Variants in IPO13 observed in about 807,000 individuals in gnomAD.
The protein encoded by IPO13 is importin-13.
Under a neutral mutation model 115.5 loss-of-function variants are expected in IPO13, and 28 were observed. The observed-to-expected ratio is 0.24, with a 90% CI of 0.18 to 0.33. IPO13 has a LOEUF of 0.33. Among genes scored for constraint, IPO13 ranks in the 10% least tolerant of loss-of-function variants. IPO13 has a pLI of 1.00. For missense variants in IPO13, 785 were observed against 1,204.6 expected, an observed-to-expected ratio of 0.65 and a Z score of 5.16; for synonymous variants, 414 against 478.9, an observed-to-expected ratio of 0.86 and a Z score of 1.77.
At position 43,949,830 on chromosome 1, in the gene IPO13, G is replaced by T; in HGVS notation, c.498G>T (p.Leu166=). 6.2e-7 allele frequency: 1 copy of T among 1,613,780 alleles called. No individual in the cohort carries two copies. The highest frequency in any genetic ancestry group is 8.5e-7 in the Non-Finnish European group (1 of 1,179,966). Residue 166 remains leucine, a synonymous_variant, in exon 2 of 20, where the codon CTG becomes CTT. Coordinates refer to ENST00000372343, the MANE Select transcript of IPO13 (RefSeq NM_014652.4). ...ATGGGCAGGGCCGCTGCCTAGCCCT[G>T]TTAGAGCTGCTGACAGTGCTGCCTG... is the stretch of plus-strand genomic sequence containing the variant. ...PVDGQGRCLA[L]LELLTVLPEE...
intron 1 of IPO13, among the ~76,000 whole-genome samples, chr1:43,948,074 G>A: frequency 6.6e-6 from 1 of 152,246 alleles, no homozygotes; most frequent in East Asian, 1.9e-4. Flanking sequence ...ACCTGGTTTT[G>A]TTGAGCCAAG....
intron 14 of IPO13, among the ~76,000 whole-genome samples, chr1:43,962,585 CA>C (rs1401044585): frequency 6.6e-6 from 1 of 152,198 alleles, no homozygotes; most frequent in African/African-American, 2.4e-5. Flanking sequence ...ACATTTCAGC[CA>C]CACTGCCTCT....
chr1:43,949,863 C>A lies in IPO13; in HGVS notation c.531C>A (p.Phe177Leu). 2 of 1,612,858 alleles carry A rather than the reference C, an allele frequency of 1.2e-6. No homozygotes were observed. The change falls in exon 2 of 20, where the codon TTC (phenylalanine) becomes TTA (leucine). Residue 177 changes from phenylalanine to leucine, a missense_variant. Physicochemically the swap from Phe to Leu is conservative, Grantham distance 22 (BLOSUM62 0). This residue lies in a region of IPO13 where 325 missense variants were observed against 449.8 expected (regional missense o/e 0.72). Coordinates refer to ENST00000372343, the MANE Select transcript of IPO13 (RefSeq NM_014652.4). ...TGCTGACAGTGCTGCCTGAGGAGTTCCAGACCAGTCGCCTACCCCAGTACC... is the reference window on the plus strand; with the variant it reads ...TGCTGACAGTGCTGCCTGAGGAGTTACAGACCAGTCGCCTACCCCAGTACC... ...LELLTVLPEE[F>L]QTSRLPQYRK...
rs5773817 is a variant in IPO13, at chr1:43,956,005, C to CAAAAA, written c.822-297_822-293dup. On this transcript the variant is annotated intron_variant, in intron 2 of 19. Transcript: ENST00000372343. The surrounding 1 kb of genome is among the most constrained non-coding windows in gnomAD (Gnocchi z 4.7). ...TGGGTAACACAGCAAAACCCCATCT[C>CAAAAA]AAAAAAAAAAAAAAAAAAAAAATCT... is the stretch of plus-strand genomic sequence containing the variant. Among the ~76,000 whole-genome samples the CAAAAA allele has an allele frequency of 8.8e-6, 1 of 113,906 alleles. No homozygotes were observed. The highest frequency in any genetic ancestry group is 1.7e-5 in the Non-Finnish European group (1 of 57,910). The allele number at this position is 113,906 out of a possible 152,430, so 74.7% of individuals were successfully genotyped here.
In IPO13 at chr1:43,952,879, T is replaced by C. The variant is rs530283066; in HGVS notation, c.821+2726T>C. Among the ~76,000 whole-genome samples the C allele has an allele frequency of 6.6e-6, 1 of 152,326 alleles. No homozygotes were observed. ...GTGTTGGGAGTTATTATGATACTTA[T>C]CCCCTGGCTTCCCAGGCTTTCCAGC... On this transcript the variant is annotated intron_variant, in intron 2 of 19. Transcript: ENST00000372343. The surrounding 1 kb of genome is among the most constrained non-coding windows in gnomAD (Gnocchi z 4.7).
chr1:43,948,342 C>A (rs999488316), intron 1 of IPO13, among the ~76,000 whole-genome samples: 1 of 152,360 alleles, frequency 6.6e-6, no homozygotes, highest in East Asian at 1.9e-4. Flanking sequence ...TTCTGAACTG[C>A]CTCTTTGGTT....
intron 2 of IPO13, among the ~76,000 whole-genome samples, chr1:43,955,941 G>A (rs1182951710): frequency 1.3e-5 from 2 of 148,576 alleles, no homozygotes; most frequent in Non-Finnish European, 3.0e-5. Context: ...GGCTGAGCAG[G>A]AGGCTGAGTC....
intron 2 of IPO13, among the ~76,000 whole-genome samples, chr1:43,955,820 A>G (rs903919919): frequency 2.6e-5 from 4 of 152,066 alleles, no homozygotes; most frequent in African/African-American, 7.2e-5. Flanking sequence ...CTGGTGCCCC[A>G]AACTTCATGT....
chr1:43,967,140 T>A lies in IPO13; in HGVS notation c.2613+121T>A. 1 of 1,142,216 alleles carries A rather than the reference T, an allele frequency of 8.8e-7. No homozygotes were observed. Among genetic ancestry groups the A allele is most frequent in the East Asian group, 2.4e-5 (1 of 42,358 alleles). The allele number at this position is 1,142,216 out of a possible 1,614,324, so 70.8% of individuals were successfully genotyped here. ...CTCTCAGATTCTGTTTCTTCTTCAA[T>A]TAAATGCCTGAAAGTTGTTAGGATT... is the stretch of plus-strand genomic sequence containing the variant. On this transcript the variant is annotated intron_variant, in intron 18 of 19. Coordinates refer to ENST00000372343, the MANE Select transcript of IPO13 (RefSeq NM_014652.4). This position sits in a 1 kb window ranked among gnomAD's most constrained non-coding sequence, Gnocchi z 6.1.
intron 2 of IPO13, among the ~76,000 whole-genome samples, chr1:43,955,263 C>CTT (rs545350043): frequency 4.2e-5 from 6 of 143,790 alleles, no homozygotes; most frequent in African/African-American, 1.5e-4. Context: ...CTTCCAAAGT[C>CTT]TTTTTTTTTT....
intron 14 of IPO13, among the ~76,000 whole-genome samples, chr1:43,962,530 G>A (rs1288637553): frequency 1.3e-5 from 2 of 152,134 alleles, no homozygotes; most frequent in Non-Finnish European, 2.9e-5. Flanking sequence ...ACAAGGCTCT[G>A]GCATGCCTCT....
intron 2 of IPO13, among the ~76,000 whole-genome samples, chr1:43,955,408 C>T (rs998846866): frequency 2.6e-5 from 4 of 152,112 alleles, no homozygotes; most frequent in African/African-American, 9.7e-5. Flanking sequence ...TAAAGCCAAA[C>T]AGAAATTAAC....
chr1:43,959,806 T>A (rs943294697), intron 11 of IPO13, among the ~76,000 whole-genome samples: 4 of 152,102 alleles, frequency 2.6e-5, no homozygotes, highest in Admixed American at 1.3e-4. Context: ...TGCTCTCTGC[T>A]CCTCCATAAG....
chr1:43,947,691 G>T lies in IPO13; in HGVS notation c.84+7G>T. 7.7e-7 allele frequency: 1 copy of T among 1,295,864 alleles called. No individual in the cohort carries two copies. Among genetic ancestry groups the T allele is most frequent in the Non-Finnish European group, 9.9e-7 (1 of 1,009,518 alleles). 80.3% of individuals were successfully genotyped at this position (1,295,864 alleles called of 1,614,324 possible). A position where few individuals can be genotyped will look rare whatever the true frequency, so the allele number is the denominator to read the frequency against. The stretch of plus-strand genomic sequence containing the variant: ...TGTGGAGAACGTGGAGAAGGTATGA[G>T]GGCTCTGGGGTGGGCACTCCAGTGA... On this transcript the variant is annotated splice_region_variant and intron_variant, in intron 1 of 19. Transcript: ENST00000372343.
At chr1:43,955,262 T>C (rs2085236469) in intron 2 of IPO13, among the ~76,000 whole-genome samples, 3 of 149,464 alleles carry the variant, frequency 2.0e-5, no homozygotes, top group Admixed American at 2.0e-4. Flanking sequence ...CCTTCCAAAG[T>C]CTTTTTTTTT....
intron 14 of IPO13, among the ~76,000 whole-genome samples, chr1:43,963,759 C>G (rs1227062088): frequency 6.6e-6 from 1 of 152,210 alleles, no homozygotes; most frequent in Non-Finnish European, 1.5e-5. Flanking sequence ...TGAGGTGGCA[C>G]TTACTCAGGC....
chr1:43,950,324 G>A (rs2085200300), intron 2 of IPO13, among the ~76,000 whole-genome samples, 171 bp downstream of exon 2: 1 of 152,224 alleles, frequency 6.6e-6, no homozygotes, highest in African/African-American at 2.4e-5. Flanking sequence ...TTCAGACAGG[G>A]AGGCAGACAT....
chr1:43,957,936 G>A, intron 7 of IPO13, 41 bp from the exon 8 acceptor site: 1 of 1,600,938 alleles, frequency 6.2e-7, no homozygotes, highest in South Asian at 1.1e-5. Flanking sequence ...AAGCCAGCCT[G>A]GCCTGCCTCA....
At chr1:43,962,758 C>G (rs116612001) in intron 14 of IPO13, among the ~76,000 whole-genome samples, 1,555 of 152,342 alleles carry the variant, frequency 0.01, 25 homozygotes, top group African/African-American at 0.036. Flanking sequence ...GTGCTTCTAA[C>G]TGTACTGAAA....
Sources: allele counts gnomAD v4.1 joint callset (sites outside exome capture counted in the v4.1 genomes callset), GRCh38; gene constraint gnomAD v4.1.1; regional missense constraint gnomAD v4.1.1; non-coding constraint Gnocchi (gnomAD v3.1); transcripts MANE v1.5; gene names NCBI Gene and HGNC (gene_info 2026-07-23, HGNC 2026-07-21).